The following HS6ST3 variants were observed in gnomAD, a reference collection of about 807,000 sequenced individuals.
HS6ST3 encodes the protein heparan sulfate 6-O-sulfotransferase 3, also known as heparan-sulfate 6-O-sulfotransferase 3.
In HS6ST3, 12 loss-of-function variants were observed where a neutral mutation model predicts 36.7. That is an observed-to-expected ratio of 0.33 (90% confidence interval 0.21 to 0.53). The LOEUF (loss-of-function observed/expected upper bound fraction) is 0.53. HS6ST3 is among the 20% of genes least tolerant of loss of function. HS6ST3 has a pLI of 0.95. For missense variants in HS6ST3, 584 were observed against 640.9 expected (o/e 0.91, Z 0.96); for synonymous variants, 240 against 257.5 (o/e 0.93, Z 0.65).
At chr13:96,442,471 T>C (rs1289883202) in intron 1 of HS6ST3, among the ~76,000 whole-genome samples, 3 of 152,202 alleles carry the variant, frequency 2.0e-5, no homozygotes, top group African/African-American at 7.2e-5. Context: ...TCTGAAAGAA[T>C]TCTCAGCCAA....
chr13:96,185,113 G>T (rs2054259315), intron 1 of HS6ST3, among the ~76,000 whole-genome samples: 1 of 152,140 alleles, frequency 6.6e-6, no homozygotes, highest in East Asian at 1.9e-4. Flanking sequence ...TAAAATATAT[G>T]ATCTTAGTAA....
chr13:96,728,729 A>G (rs1428199630), intron 1 of HS6ST3, among the ~76,000 whole-genome samples: 2 of 152,218 alleles, frequency 1.3e-5, no homozygotes, highest in African/African-American at 4.8e-5. Flanking sequence ...ATTTTAATCA[A>G]TCATCCCTGT....
chr13:96,517,838 T>A (rs2056078583), intron 1 of HS6ST3, among the ~76,000 whole-genome samples: 1 of 152,130 alleles, frequency 6.6e-6, no homozygotes, highest in Non-Finnish European at 1.5e-5. Context: ...CTCTTATAAG[T>A]GAAAACGTGC....
At chr13:96,379,719 G>C (rs528419452) in intron 1 of HS6ST3, among the ~76,000 whole-genome samples, 29 of 152,306 alleles carry the variant, frequency 1.9e-4, no homozygotes, top group African/African-American at 7.0e-4. Flanking sequence ...TATAATTTCT[G>C]ATTTGGGAAG....
At chr13:96,463,015 A>G (rs2139493070) in intron 1 of HS6ST3, among the ~76,000 whole-genome samples, 1 of 152,334 alleles carries the variant, frequency 6.6e-6, no homozygotes, top group South Asian at 2.1e-4. Flanking sequence ...ACCAAAATGG[A>G]TGGAGAGCTA....
At chr13:96,592,033 C>G (rs567557877) in intron 1 of HS6ST3, among the ~76,000 whole-genome samples, 1 of 152,190 alleles carries the variant, frequency 6.6e-6, no homozygotes, top group African/African-American at 2.4e-5. Context: ...ATCTTTGCAT[C>G]CCTGAGATAA....
At chr13:96,324,827 A>G (rs1043419314) in intron 1 of HS6ST3, among the ~76,000 whole-genome samples, 12 of 152,324 alleles carry the variant, frequency 7.9e-5, no homozygotes, top group African/African-American at 2.9e-4. Context: ...CCCAGTTCCC[A>G]GAAGGAACCA....
chr13:96,488,170 G>T (rs2055925195), intron 1 of HS6ST3, among the ~76,000 whole-genome samples: 1 of 151,996 alleles, frequency 6.6e-6, no homozygotes, highest in Non-Finnish European at 1.5e-5. Flanking sequence ...CTCTTTGGAT[G>T]TGTATGCACC....
intron 1 of HS6ST3, among the ~76,000 whole-genome samples, chr13:96,132,678 T>C (rs978347026): frequency 2.0e-5 from 3 of 152,180 alleles, no homozygotes; most frequent in African/African-American, 7.2e-5. Context: ...AGTGCTGGGA[T>C]TGCAGGTATG....
intron 1 of HS6ST3, among the ~76,000 whole-genome samples, chr13:96,115,594 C>T (rs2053890310): frequency 6.6e-6 from 1 of 152,190 alleles, no homozygotes; most frequent in African/African-American, 2.4e-5. Flanking sequence ...CTTTTTGTGG[C>T]TGCATAGTAT....
chr13:96,636,104 C>T (rs2056548800), intron 1 of HS6ST3, among the ~76,000 whole-genome samples: 1 of 152,142 alleles, frequency 6.6e-6, no homozygotes, highest in African/African-American at 2.4e-5. Context: ...CCAGAGTCTT[C>T]CCTGGGAGCC....
intron 1 of HS6ST3, among the ~76,000 whole-genome samples, chr13:96,576,752 G>A (rs192200607): frequency 1.1e-3 from 162 of 151,842 alleles, no homozygotes; most frequent in Non-Finnish European, 1.8e-3. Flanking sequence ...GACCAGCCTG[G>A]CCAACATTGT....
chr13:96,639,622 T>C (rs1416662216), intron 1 of HS6ST3, among the ~76,000 whole-genome samples: 1 of 151,792 alleles, frequency 6.6e-6, no homozygotes, highest in Non-Finnish European at 1.5e-5. Context: ...GGTGCTGAGG[T>C]TTGGGGTATG....
At chr13:96,396,016 T>G (rs907909854) in intron 1 of HS6ST3, among the ~76,000 whole-genome samples, 9 of 152,166 alleles carry the variant, frequency 5.9e-5, no homozygotes, top group African/African-American at 2.2e-4. Context: ...ACCTCCATGT[T>G]TAATCAGGAA....
chr13:96,773,691 A>G (rs1039184344), intron 1 of HS6ST3, among the ~76,000 whole-genome samples: 2 of 152,148 alleles, frequency 1.3e-5, no homozygotes, highest in African/African-American at 4.8e-5. Context: ...GGGCTTATAG[A>G]TAAAACTCCC....
At chr13:96,549,133 CAT>C (rs745350861) in intron 1 of HS6ST3, among the ~76,000 whole-genome samples, 14 of 152,182 alleles carry the variant, frequency 9.2e-5, no homozygotes, top group Non-Finnish European at 1.8e-4. Flanking sequence ...CTCACCTCCT[CAT>C]AGTTTTATCC....
rs1034228127 is a variant in HS6ST3, at chr13:96,727,022, T to A, written c.708-105468T>A. 1.1e-4 allele frequency among the ~76,000 whole-genome samples: 16 copies of A among 152,342 alleles called. No individual in the cohort carries two copies. In the Middle Eastern group the frequency reaches 0.01, roughly 97 times the overall value. On this transcript the variant is annotated intron_variant, in intron 1 of 1. Transcript: ENST00000376705. ...AACTATTCTTAGATCCCTTTTGTCA[T>A]CTACTTAAGTTTTATACCCACTTCT...
intron 1 of HS6ST3, among the ~76,000 whole-genome samples, chr13:96,408,190 G>A (rs181533812): frequency 2.0e-5 from 3 of 151,896 alleles, no homozygotes; most frequent in Non-Finnish European, 2.9e-5. Context: ...TGCCCCCCTC[G>A]ACCTCCCAAA....
intron 1 of HS6ST3, among the ~76,000 whole-genome samples, chr13:96,539,424 C>T (rs1021684475): frequency 1.3e-5 from 2 of 150,942 alleles, no homozygotes; most frequent in Non-Finnish European, 1.5e-5. Flanking sequence ...GGTGAGATCT[C>T]CACTCACTGC....
Sources: allele counts gnomAD v4.1 joint callset (sites outside exome capture counted in the v4.1 genomes callset), GRCh38; gene constraint gnomAD v4.1.1; transcripts MANE v1.5; gene names NCBI Gene and HGNC (gene_info 2026-07-23, HGNC 2026-07-21).